The following NEDD4L variants were observed in gnomAD, a reference collection of about 807,000 sequenced individuals.
NEDD4L encodes the protein NEDD4 like E3 ubiquitin protein ligase.
In NEDD4L, 54 loss-of-function variants were observed where a neutral mutation model predicts 148.9. That is an observed-to-expected ratio of 0.36 (90% CI 0.29 to 0.45). The LOEUF (loss-of-function observed/expected upper bound fraction) is 0.45. Ranked by LOEUF, NEDD4L falls within the 20% of genes least tolerant of loss-of-function variation. The pLI, the probability that NEDD4L is intolerant of heterozygous loss-of-function variation, is 1.00. For synonymous variants in NEDD4L, 433 were observed against 440.7 expected (o/e 0.98, Z 0.22); for missense variants, 856 against 1,233.8 (o/e 0.69, Z 4.59).
At chr18:58,204,765 T>A (rs2041804893) in intron 2 of NEDD4L, among the ~76,000 whole-genome samples, 1 of 152,190 alleles carries the variant, frequency 6.6e-6, no homozygotes, top group South Asian at 2.1e-4. Context: ...ATAAAAGGTT[T>A]TATATGTATT....
intron 5 of NEDD4L, among the ~76,000 whole-genome samples, chr18:58,306,471 A>G (rs2057076750): frequency 6.6e-6 from 1 of 152,130 alleles, no homozygotes. Context: ...GCAGCATAGC[A>G]TACTAGGATT....
intron 2 of NEDD4L, among the ~76,000 whole-genome samples, chr18:58,197,395 A>T (rs2040842773): frequency 6.6e-6 from 1 of 152,118 alleles, no homozygotes; most frequent in Non-Finnish European, 1.5e-5. Flanking sequence ...GAGCAGCTTT[A>T]CAAGAAGGAA....
chr18:58,063,582 T>C (rs75083167), intron 1 of NEDD4L, among the ~76,000 whole-genome samples: 1 of 151,730 alleles, frequency 6.6e-6, no homozygotes, highest in Non-Finnish European at 1.5e-5. Context: ...TTTTTTTTTT[T>C]TGAGACAGAT....
chr18:58,205,498 A>ATGTG lies in NEDD4L; in HGVS notation c.122+39656_122+39659dup, dbSNP rs59338606. Among the ~76,000 whole-genome samples, 114 of 147,884 alleles carry ATGTG rather than the reference A, an allele frequency of 7.7e-4. 4 individuals carry two copies. The highest frequency in any genetic ancestry group is 5.4e-3 in the South Asian group (25 of 4,650). On this transcript the variant is annotated intron_variant, in intron 2 of 30. Coordinates refer to ENST00000400345, the MANE Select transcript of NEDD4L (RefSeq NM_001144967.3). ...ATTTTGACTAGAGGGGTGTGTGTGT[A>ATGTG]TGTGTGTGTGTGTGTGTGTGTGGTT...
chr18:58,100,813 AT>A (rs1239914024), intron 1 of NEDD4L, among the ~76,000 whole-genome samples: 2 of 151,938 alleles, frequency 1.3e-5, no homozygotes, highest in Non-Finnish European at 2.9e-5. Flanking sequence ...AATTAAAAAA[AT>A]ATTTTCTTTT....
At chr18:58,243,234 A>C (rs1193637805) in intron 2 of NEDD4L, among the ~76,000 whole-genome samples, 1 of 152,202 alleles carries the variant, frequency 6.6e-6, no homozygotes, top group Non-Finnish European at 1.5e-5. Context: ...GGTATTCTTT[A>C]TAACTGTGGA....
At chr18:58,290,651 TG>T (rs2054586132) in intron 5 of NEDD4L, among the ~76,000 whole-genome samples, 1 of 151,934 alleles carries the variant, frequency 6.6e-6, no homozygotes, top group Non-Finnish European at 1.5e-5. Flanking sequence ...CAAATTAGAG[TG>T]AGAAAATGTA....
chr18:58,204,548 C>T (rs1302277885), intron 2 of NEDD4L, among the ~76,000 whole-genome samples: 1 of 152,080 alleles, frequency 6.6e-6, no homozygotes, highest in Non-Finnish European at 1.5e-5. Context: ...TTGAAATTTC[C>T]ACTGGGCAAG....
At chr18:58,166,321 G>T (rs1294605253) in intron 2 of NEDD4L, among the ~76,000 whole-genome samples, 1 of 152,236 alleles carries the variant, frequency 6.6e-6, no homozygotes, top group Non-Finnish European at 1.5e-5. Flanking sequence ...GGCATTTCTA[G>T]AAGTACCAGC....
intron 1 of NEDD4L, among the ~76,000 whole-genome samples, chr18:58,129,748 G>T (rs142750944): frequency 1.3e-5 from 2 of 151,916 alleles, no homozygotes; most frequent in Non-Finnish European, 2.9e-5. Flanking sequence ...AACTGTGGCG[G>T]TGTTGGGCTC....
chr18:58,052,714 C>G (rs565224035), intron 1 of NEDD4L, among the ~76,000 whole-genome samples: 2 of 151,592 alleles, frequency 1.3e-5, no homozygotes, highest in East Asian at 3.9e-4. Flanking sequence ...GCCTATAATC[C>G]TAGCACTTTG....
intron 1 of NEDD4L, among the ~76,000 whole-genome samples, chr18:58,121,243 A>C (rs2086222191): frequency 6.6e-6 from 1 of 152,040 alleles, no homozygotes; most frequent in Non-Finnish European, 1.5e-5. Flanking sequence ...CTTGGATGAG[A>C]GTGGGCTGTT....
chr18:58,279,722 T>C (rs2052710643), intron 5 of NEDD4L, among the ~76,000 whole-genome samples: 1 of 152,250 alleles, frequency 6.6e-6, no homozygotes, highest in South Asian at 2.1e-4. Context: ...TAATTGGCAC[T>C]GCATGATTTG....
chr18:58,268,835 T>G (rs2050612105), intron 5 of NEDD4L, among the ~76,000 whole-genome samples: 2 of 152,010 alleles, frequency 1.3e-5, no homozygotes, highest in Non-Finnish European at 2.9e-5. Flanking sequence ...AGAGGTTCTG[T>G]GTTTGAGGGA....
Position 58,056,669 on chromosome 18 carries a change from C to T in NEDD4L, c.48+11961C>T, listed in dbSNP as rs1181357466. 7.2e-5 allele frequency among the ~76,000 whole-genome samples: 11 copies of T among 152,214 alleles called. No individual in the cohort carries two copies. The Middle Eastern group carries it at 0.01, about 141-fold the overall frequency. On this transcript the variant is annotated intron_variant, in intron 1 of 30. Coordinates refer to ENST00000400345, the MANE Select transcript of NEDD4L (RefSeq NM_001144967.3). ...CATCTTGGTTCACTGCAACCTCCAC[C>T]TCCTGGGTTTAAGCGATTCTCCTGC...
At chr18:58,172,151 C>G (rs1242560834) in intron 2 of NEDD4L, among the ~76,000 whole-genome samples, 2 of 152,052 alleles carry the variant, frequency 1.3e-5, no homozygotes, top group Non-Finnish European at 2.9e-5. Flanking sequence ...ACTCAGGCAC[C>G]ATGGAATACT....
intron 1 of NEDD4L, among the ~76,000 whole-genome samples, chr18:58,129,479 A>G (rs1391834920): frequency 6.6e-6 from 1 of 152,190 alleles, no homozygotes; most frequent in Non-Finnish European, 1.5e-5. Flanking sequence ...AAGCTTCTCC[A>G]CTAAAATAGA....
intron 24 of NEDD4L, among the ~76,000 whole-genome samples, chr18:58,374,910 C>T (rs1035347932): frequency 6.6e-6 from 1 of 152,164 alleles, no homozygotes; most frequent in African/African-American, 2.4e-5. Flanking sequence ...CGCTCACCAC[C>T]AGCCTCTTAT....
chr18:58,387,342 A>ATTTTTTTCT, intron 26 of NEDD4L, 97 bp from the exon 27 acceptor site: 1 of 1,353,812 alleles, frequency 7.4e-7, no homozygotes, highest in South Asian at 1.4e-5. Flanking sequence ...GAGAGATTAT[A>ATTTTTTTCT]TTTTTTTCTG....
Sources: allele counts gnomAD v4.1 joint callset (sites outside exome capture counted in the v4.1 genomes callset), GRCh38; gene constraint gnomAD v4.1.1; transcripts MANE v1.5; gene names NCBI Gene and HGNC (gene_info 2026-07-23, HGNC 2026-07-21).